The following NHS variants were observed in gnomAD, a reference collection of about 807,000 sequenced individuals.
The protein encoded by NHS is NHS actin remodeling regulator, also known as actin remodeling regulator NHS.
Under a neutral mutation model 72.5 loss-of-function variants are expected in NHS, and 5 were observed. The observed-to-expected ratio is 0.07, with a 90% CI of 0.04 to 0.14. The LOEUF (loss-of-function observed/expected upper bound fraction) is 0.14. Ranked by LOEUF, NHS falls within the 10% of genes least tolerant of loss-of-function variation. NHS has a pLI of 1.00. For missense variants in NHS, 1,072 were observed against 1,355.7 expected (o/e 0.79, Z 3.29); for synonymous variants, 464 against 547.7 (o/e 0.85, Z 2.13).
chrX:17,491,545 C>T (rs2064991213), intron 1 of NHS, among the ~76,000 whole-genome samples: 1 of 111,394 alleles, frequency 9.0e-6, no homozygotes, highest in Non-Finnish European at 1.9e-5. Flanking sequence ...AGGATTTTTG[C>T]ATCGATGTTC....
At chrX:17,617,094 G>A (rs903803173) in intron 1 of NHS, among the ~76,000 whole-genome samples, 1 of 112,233 alleles carries the variant, frequency 8.9e-6, no homozygotes, top group African/African-American at 3.2e-5. Flanking sequence ...GGCTTCCCGG[G>A]ACTGTCGTGA....
intron 1 of NHS, among the ~76,000 whole-genome samples, chrX:17,535,180 T>G: frequency 8.9e-6 from 1 of 111,871 alleles, no homozygotes; most frequent in Non-Finnish European, 1.9e-5. Context: ...CCCAAACATA[T>G]CCCACCATTT....
intron 1 of NHS, among the ~76,000 whole-genome samples, chrX:17,539,129 T>C (rs1194427284): frequency 8.9e-6 from 1 of 112,202 alleles, no homozygotes; most frequent in Non-Finnish European, 1.9e-5. Context: ...CTACCATATA[T>C]GCAGGGTCTT....
At chrX:17,492,114 T>C (rs1180770787) in intron 1 of NHS, among the ~76,000 whole-genome samples, 1 of 110,899 alleles carries the variant, frequency 9.0e-6, no homozygotes, top group Non-Finnish European at 1.9e-5. Flanking sequence ...TTTGAAAGGG[T>C]TTTCATGTCT....
chrX:17,458,055 G>T (rs1243661890), intron 1 of NHS, among the ~76,000 whole-genome samples: 1 of 111,632 alleles, frequency 9.0e-6, no homozygotes, highest in Admixed American at 9.5e-5. Context: ...ATACAATGTG[G>T]TTTTTTTGCC....
intron 1 of NHS, among the ~76,000 whole-genome samples, chrX:17,407,321 T>C (rs1227870641): frequency 9.0e-6 from 1 of 111,522 alleles, no homozygotes; most frequent in East Asian, 2.8e-4. Flanking sequence ...AACCATATTT[T>C]GAAGCCCTTC....
intron 1 of NHS, among the ~76,000 whole-genome samples, chrX:17,564,790 T>G (rs372234982): frequency 1.8e-5 from 2 of 111,516 alleles, no homozygotes; most frequent in African/African-American, 6.6e-5. Flanking sequence ...CTGAGCACCT[T>G]CTGAAACTCC....
rs1229443705 is a variant in NHS at position 17,727,888 on chromosome X, A to G, written c.3782A>G (p.Asn1261Ser). ...VRTETEPIPENTPTKNCAFPT... is the reference protein window; with the variant it reads ...VRTETEPIPESTPTKNCAFPT... Reference sequence around the variant, plus strand: ...ACAGAGACTGAGCCTATTCCAGAAAACACGCCAACCAAAAACTGTGCTTTT... The same window carrying G: ...ACAGAGACTGAGCCTATTCCAGAAAGCACGCCAACCAAAAACTGTGCTTTT... The change falls in exon 7 of 9, where the codon AAC becomes AGC. Residue 1261 changes from asparagine to serine, a missense_variant. Coordinates refer to ENST00000676302, the MANE Select transcript of NHS (RefSeq NM_001291867.2). 2.5e-6 allele frequency: 3 copies of G among 1,210,228 alleles called. No homozygotes were observed. Among genetic ancestry groups the G allele is most frequent in the Non-Finnish European group, 3.4e-6 (3 of 895,359 alleles).
intron 1 of NHS, among the ~76,000 whole-genome samples, chrX:17,607,776 T>A (rs930257623): frequency 1.4e-4 from 15 of 110,806 alleles, no homozygotes; most frequent in African/African-American, 3.9e-4. Flanking sequence ...TAATTGGAAT[T>A]TAAATATAAA....
At chrX:17,699,064 C>G (rs1056411643) in intron 3 of NHS, among the ~76,000 whole-genome samples, 17 of 111,708 alleles carry the variant, frequency 1.5e-4, no homozygotes, top group African/African-American at 5.5e-4. Context: ...TAAAGCACTC[C>G]TTAAAGACAC....
intron 1 of NHS, among the ~76,000 whole-genome samples, chrX:17,679,107 A>G (rs2066106820): frequency 9.0e-6 from 1 of 110,593 alleles, no homozygotes; most frequent in Non-Finnish European, 1.9e-5. Context: ...CTATCTCTCT[A>G]AGGTTGTGCC....
At position 17,712,393 on chromosome X, in the gene NHS, C is replaced by CACACACAT. The variant is rs1301774080; in HGVS notation, c.853-6950_853-6949insCACACATA. ...ACACACACACACACACACACACACA[C>CACACACAT]ATATATATATATATATATATTGCAA... On this transcript the variant is annotated intron_variant, in intron 3 of 8. Transcript: ENST00000676302. 5.2e-4 allele frequency among the ~76,000 whole-genome samples: 42 copies of CACACACAT among 81,419 alleles called. 1 individual carries two copies. The highest frequency in any genetic ancestry group is 1.7e-3 in the African/African-American group (33 of 19,216). 70.7% of individuals were successfully genotyped at this position (81,419 alleles called of 115,157 possible). A position where few individuals can be genotyped will look rare whatever the true frequency, so the allele number is the denominator to read the frequency against.
intron 1 of NHS, among the ~76,000 whole-genome samples, chrX:17,637,366 G>C (rs993995110): frequency 8.9e-6 from 1 of 111,769 alleles, no homozygotes; most frequent in Non-Finnish European, 1.9e-5. Flanking sequence ...AGGCCTATAC[G>C]TGGCTGACAG....
At chrX:17,721,165 G>A (rs975756759) in intron 4 of NHS, among the ~76,000 whole-genome samples, 1 of 112,130 alleles carries the variant, frequency 8.9e-6, no homozygotes, top group Non-Finnish European at 1.9e-5. Flanking sequence ...TTTCTTTGGT[G>A]TAAAGTTTGG....
intron 1 of NHS, among the ~76,000 whole-genome samples, chrX:17,417,091 T>TAC (rs753132773): frequency 0.064 from 6,227 of 97,889 alleles, 168 homozygotes; most frequent in African/African-American, 0.087. Flanking sequence ...GAAAACAGAA[T>TAC]ACACACACAC....
intron 1 of NHS, among the ~76,000 whole-genome samples, chrX:17,485,382 C>T (rs1374045140): frequency 8.9e-6 from 1 of 112,522 alleles, no homozygotes; most frequent in Non-Finnish European, 1.9e-5. Context: ...TTATAGCTGG[C>T]AATGGGGTCC....
chrX:17,638,169 C>A (rs2065860397), intron 1 of NHS, among the ~76,000 whole-genome samples: 1 of 111,724 alleles, frequency 9.0e-6, no homozygotes, highest in African/African-American at 3.3e-5. Flanking sequence ...GTTCCCAGAT[C>A]TCTGGGCATT....
At chrX:17,447,944 G>A (rs1487640462) in intron 1 of NHS, among the ~76,000 whole-genome samples, 1 of 111,433 alleles carries the variant, frequency 9.0e-6, no homozygotes, top group Non-Finnish European at 1.9e-5. Flanking sequence ...TATTTCATAC[G>A]ATATGTTACT....
chrX:17,668,680 G>T (rs1248179887), intron 1 of NHS, among the ~76,000 whole-genome samples: 1 of 111,332 alleles, frequency 9.0e-6, no homozygotes. Flanking sequence ...CCCAGAAGTA[G>T]ACCCTGAGAC....
Sources: allele counts gnomAD v4.1 joint callset (sites outside exome capture counted in the v4.1 genomes callset), GRCh38; gene constraint gnomAD v4.1.1; transcripts MANE v1.5; gene names NCBI Gene and HGNC (gene_info 2026-07-23, HGNC 2026-07-21).